GFOD1: variants seen among roughly 807,000 people sequenced by gnomAD.
GFOD1 encodes the protein Gfo/Idh/MocA-like oxidoreductase domain containing 1.
GFOD1 carries 9 observed loss-of-function variants against 25.4 expected under a neutral mutation model. That is an observed-to-expected ratio of 0.35 (90% CI 0.21 to 0.62). GFOD1 has a LOEUF of 0.62. GFOD1 is among the 20% of genes least tolerant of loss of function. GFOD1 has a pLI of 0.72. For missense variants in GFOD1, 403 were observed against 556.9 expected (o/e 0.72, Z 2.78); for synonymous variants, 253 against 245.6 (o/e 1.03, Z -0.28).
At chr6:13,395,590 G>A (rs376520993) in intron 1 of GFOD1, among the ~76,000 whole-genome samples, 54 of 152,316 alleles carry the variant, frequency 3.5e-4, no homozygotes, top group African/African-American at 1.3e-3. Context: ...CGGGGCTCCA[G>A]CTTCCTCATC....
intron 1 of GFOD1, among the ~76,000 whole-genome samples, chr6:13,482,775 T>A (rs1397939509): frequency 6.6e-6 from 1 of 151,998 alleles, no homozygotes; most frequent in African/African-American, 2.4e-5. Context: ...TAGATTAAAT[T>A]AAATTAAATT....
rs1373095154 is a variant in GFOD1, at chr6:13,395,138, C to CT, written c.254-29477dup. ...TGGCTTTGCTATGTTGCCCAGGCTT[C>CT]TTTTAATTTTGAACAAGGTGACTAC... On this transcript the variant is annotated intron_variant, in intron 1 of 1. Coordinates refer to ENST00000379287, the MANE Select transcript of GFOD1 (RefSeq NM_018988.4). 9.2e-5 allele frequency among the ~76,000 whole-genome samples: 14 copies of CT among 152,228 alleles called. No homozygotes were observed. The East Asian group carries it at 2.3e-3, about 25-fold the overall frequency.
At chr6:13,473,782 G>A (rs1758557710) in intron 1 of GFOD1, among the ~76,000 whole-genome samples, 1 of 151,988 alleles carries the variant, frequency 6.6e-6, no homozygotes, top group Non-Finnish European at 1.5e-5. Context: ...TTTTCCAAGA[G>A]GTCTTCTGGG....
At chr6:13,388,917 G>GA (rs1785529678) in intron 1 of GFOD1, among the ~76,000 whole-genome samples, 1 of 151,962 alleles carries the variant, frequency 6.6e-6, no homozygotes, top group African/African-American at 2.4e-5. Context: ...AAATTTACAA[G>GA]AAAAAAACAA....
chr6:13,448,868 G>T (rs2127573407), intron 1 of GFOD1, among the ~76,000 whole-genome samples: 1 of 152,294 alleles, frequency 6.6e-6, no homozygotes, highest in South Asian at 2.1e-4. Flanking sequence ...CCTAGCTCTG[G>T]AGACAGAACC....
intron 1 of GFOD1, among the ~76,000 whole-genome samples, chr6:13,477,300 T>C (rs1371114263): frequency 2.7e-5 from 4 of 147,092 alleles, no homozygotes; most frequent in East Asian, 2.0e-4. Flanking sequence ...AATTGTGGGG[T>C]TGGCAAGTCT....
Position 13,362,424 on chromosome 6 carries a change from T to G in GFOD1, c.*2319A>C, listed in dbSNP as rs890758507. 2.1e-5 allele frequency: 3 copies of G among 143,024 alleles called. No individual in the cohort carries two copies. Among genetic ancestry groups the G allele is most frequent in the African/African-American group, 7.9e-5 (3 of 37,792 alleles). 8.9% of individuals were successfully genotyped at this position (143,024 alleles called of 1,614,324 possible). ...TTGCAGTGAGCTGAGATCACACCACTGCACTCCAGCTTGGGTGACAGAGCG... is the reference window on the plus strand; with the variant it reads ...TTGCAGTGAGCTGAGATCACACCACGGCACTCCAGCTTGGGTGACAGAGCG... On this transcript the variant is annotated 3_prime_UTR_variant, in exon 2 of 2. Transcript: ENST00000379287.
intron 1 of GFOD1, among the ~76,000 whole-genome samples, chr6:13,422,067 C>T (rs988025170): frequency 6.6e-6 from 1 of 152,106 alleles, no homozygotes; most frequent in Non-Finnish European, 1.5e-5. Flanking sequence ...TGGGTCCCCT[C>T]CCCTTTTTCA....
chr6:13,452,921 C>T (rs1758124084), intron 1 of GFOD1, among the ~76,000 whole-genome samples: 1 of 152,186 alleles, frequency 6.6e-6, no homozygotes, highest in African/African-American at 2.4e-5. Context: ...GTCCCACCAT[C>T]CCTTTTCCAG....
intron 1 of GFOD1, among the ~76,000 whole-genome samples, chr6:13,458,724 G>T (rs943713234): frequency 3.4e-5 from 4 of 119,402 alleles, no homozygotes; most frequent in African/African-American, 1.2e-4. Context: ...TGTCACTAAG[G>T]CAGCCAGCAA....
chr6:13,446,028 T>G (rs1245302904), intron 1 of GFOD1, among the ~76,000 whole-genome samples: 1 of 152,058 alleles, frequency 6.6e-6, no homozygotes, highest in Non-Finnish European at 1.5e-5. Flanking sequence ...AGGAAAAAAA[T>G]GATGCTGGCA....
At chr6:13,366,128 C>A (rs1371243538) in intron 1 of GFOD1, among the ~76,000 whole-genome samples, 3 of 151,922 alleles carry the variant, frequency 2.0e-5, no homozygotes, top group Non-Finnish European at 4.4e-5. Context: ...AAAAGATATT[C>A]TATATATTTC....
Position 13,362,090 on chromosome 6 carries a change from C to T in GFOD1, c.*2653G>A, listed in dbSNP as rs1055149298. The T allele has an allele frequency of 6.6e-6, 1 of 152,140 alleles. No individual in the cohort carries two copies. Among genetic ancestry groups the T allele is most frequent in the Non-Finnish European group, 1.5e-5 (1 of 68,032 alleles). 9.4% of individuals were successfully genotyped at this position (152,140 alleles called of 1,614,324 possible). On this transcript the variant is annotated 3_prime_UTR_variant, in exon 2 of 2. Coordinates refer to ENST00000379287, the MANE Select transcript of GFOD1 (RefSeq NM_018988.4). ...TTTCCCTTCATCCTTAATCGGAGCC[C>T]TTCAGGCTAGCTAGAAAATAATAAT...
chr6:13,484,376 G>C (rs759807374), intron 1 of GFOD1, among the ~76,000 whole-genome samples: 1 of 152,136 alleles, frequency 6.6e-6, no homozygotes, highest in African/African-American at 2.4e-5. Flanking sequence ...CCTGATAACT[G>C]TTTGGGGTTT....
At chr6:13,472,797 T>C (rs766777627) in intron 1 of GFOD1, among the ~76,000 whole-genome samples, 10 of 152,250 alleles carry the variant, frequency 6.6e-5, no homozygotes, top group Admixed American at 3.9e-4. Flanking sequence ...AAAATGAAGA[T>C]AGACAATTTT....
intron 1 of GFOD1, among the ~76,000 whole-genome samples, chr6:13,370,530 T>A (rs1249285757): frequency 6.6e-6 from 1 of 152,040 alleles, no homozygotes; most frequent in African/African-American, 2.4e-5. Flanking sequence ...AGTCTTCCCT[T>A]ACCCTACCTC....
chr6:13,425,950 G>T (rs528084166), intron 1 of GFOD1, among the ~76,000 whole-genome samples: 179 of 152,178 alleles, frequency 1.2e-3, no homozygotes, highest in African/African-American at 4.1e-3. Context: ...GAAAGTTTAC[G>T]AATTTGTGTT....
At chr6:13,428,308 G>A (rs1265877099) in intron 1 of GFOD1, among the ~76,000 whole-genome samples, 2 of 152,080 alleles carry the variant, frequency 1.3e-5, no homozygotes, top group Non-Finnish European at 2.9e-5. Context: ...TGCCTCTTTT[G>A]ACAAGCCACG....
At chr6:13,486,197 C>G (rs980549891) in intron 1 of GFOD1, 975 of 994,448 alleles carry the variant, frequency 9.8e-4, no homozygotes, top group Non-Finnish European at 1.1e-3. Context: ...TCTGGGCGCG[C>G]ACTCGCCTCT....
Sources: gnomAD v4.1 joint callset for allele counts (sites outside exome capture counted in the v4.1 genomes callset) on GRCh38, gnomAD v4.1.1 for gene constraint, MANE v1.5 for transcripts, NCBI Gene and HGNC (gene_info 2026-07-23, HGNC 2026-07-21) for gene names.